Variants in ANAPC2 observed in about 807,000 individuals in gnomAD.
ANAPC2 encodes anaphase-promoting complex subunit 2.
ANAPC2 carries 29 observed loss-of-function variants against 84.3 expected under a neutral mutation model. That is an observed-to-expected ratio of 0.34 (90% CI 0.26 to 0.47). ANAPC2 has a LOEUF of 0.47. ANAPC2 is among the 20% of genes least tolerant of loss of function. The probability of loss-of-function intolerance (pLI) is 1.00; values close to 1 mark genes in which losing one functional copy is unlikely to be tolerated. For synonymous variants in ANAPC2, 571 were observed against 479.4 expected, an observed-to-expected ratio of 1.19 and a Z score of -2.50; for missense variants, 857 against 1,131.7, an observed-to-expected ratio of 0.76 and a Z score of 3.48.
intron 10 of ANAPC2, among the ~76,000 whole-genome samples, chr9:137,179,090 C>G (rs963890971): frequency 1.3e-5 from 2 of 152,228 alleles, no homozygotes; most frequent in Admixed American, 6.5e-5. Flanking sequence ...CGCCGGCCTC[C>G]TGGCGGCTCT....
chr9:137,183,059 G>A (rs917822303), intron 6 of ANAPC2, 66 bp downstream of exon 6: 1 of 1,365,116 alleles, frequency 7.3e-7, no homozygotes, highest in South Asian at 1.2e-5. Context: ...CTGCCCCCCA[G>A]GACCACGAGG....
intron 11 of ANAPC2, 91 bp from the exon 12 acceptor site, chr9:137,175,563 G>T: frequency 6.8e-7 from 1 of 1,479,306 alleles, no homozygotes. Flanking sequence ...GGGGCTCCCG[G>T]GCCACCCTGC....
At chr9:137,187,075 G>C (rs1162332783) in intron 2 of ANAPC2, 1 of 205,250 alleles carries the variant, frequency 4.9e-6, no homozygotes, top group East Asian at 1.1e-4. Flanking sequence ...CCCTCACAGT[G>C]ACCTGATCTT....
In ANAPC2 at chr9:137,183,201, T is replaced by C. The variant is rs1320424255; in HGVS notation, c.1210A>G (p.Ile404Val). Residue 404 changes from isoleucine to valine, a missense_variant, in exon 6 of 13, where the codon ATC (isoleucine) becomes GTC (valine). By Grantham distance (29) the Ile-to-Val change is conservative. This residue lies in a region of ANAPC2 where 425 missense variants were observed against 595.5 expected (regional missense o/e 0.71). Transcript: ENST00000323927. ...GGGTCCAGCACGCGCAGCGCCTTGA[T>C]GGCAGAGATATAGAGGGTGATGATG... Reference protein sequence around the residue: ...CDIITLYISAIKALRVLDPSM... With the variant: ...CDIITLYISAVKALRVLDPSM... 1 of 1,613,224 alleles carries C rather than the reference T, an allele frequency of 6.2e-7. No individual in the cohort carries two copies. The highest frequency in any genetic ancestry group is 1.7e-5 in the Admixed American group (1 of 60,014).
chr9:137,187,393 C>G, intron 2 of ANAPC2, 88 bp downstream of exon 2: 1 of 1,505,136 alleles, frequency 6.6e-7, no homozygotes, highest in Non-Finnish European at 8.9e-7. Context: ...GGACGGCTCA[C>G]CAGCTTTCTG....
At chr9:137,181,579 C>T in intron 7 of ANAPC2, 102 bp downstream of exon 7, 1 of 1,299,204 alleles carries the variant, frequency 7.7e-7, no homozygotes, top group Non-Finnish European at 1.0e-6. Flanking sequence ...ACTAGCGACA[C>T]CTGACACAGC....
chr9:137,177,788 C>T (rs1432044953), intron 10 of ANAPC2, among the ~76,000 whole-genome samples: 2 of 151,122 alleles, frequency 1.3e-5, no homozygotes, highest in Non-Finnish European at 3.0e-5. Flanking sequence ...ATGACGTCAC[C>T]CTGGAATAGA....
rs1307223234 is a variant in ANAPC2, at chr9:137,174,796, T to A, written c.*146A>T. 1 of 1,423,232 alleles carries A rather than the reference T, an allele frequency of 7.0e-7. No individual in the cohort carries two copies. 88.2% of individuals were successfully genotyped at this position (1,423,232 alleles called of 1,614,324 possible). ...CAGGACAGAAAAGGATGATCTGACT[T>A]GCTTTAATCTGCACACTGCGGGGGT... On this transcript the variant is annotated 3_prime_UTR_variant, in exon 13 of 13. Coordinates refer to ENST00000323927, the MANE Select transcript of ANAPC2 (RefSeq NM_013366.4). The surrounding 1 kb of genome is among the most constrained non-coding windows in gnomAD (Gnocchi z 6.1).
At chr9:137,188,325 C>A in intron 1 of ANAPC2, 91 bp downstream of exon 1, 1 of 1,416,316 alleles carries the variant, frequency 7.1e-7, no homozygotes. Context: ...GGATGATGGA[C>A]AGAGCCGTAT....
rs150682951 is a variant in ANAPC2, at chr9:137,187,904, T to C, written c.317A>G (p.Gln106Arg). The C allele has an allele frequency of 5.1e-4, 825 of 1,613,792 alleles. 6 individuals are homozygous for C. In the African/African-American group the frequency reaches 9.2e-3, roughly 18 times the overall value. The change falls in exon 2 of 13, where the codon CAG becomes CGG. Residue 106 changes from glutamine to arginine, a missense_variant. Transcript: ENST00000323927. Reference protein sequence around the residue: ...SQCENSADEPQCLLLLLDAFG... With the variant: ...SQCENSADEPRCLLLLLDAFG... ...AGCGTCAAGGAGTAGCAAAAGGCAC[T>C]GGGGCTCATCCGCAGAGTTCTCGCA...
rs542368778 is a variant in ANAPC2, at chr9:137,179,965, G to A, written c.1890+216C>T. 9.8e-5 allele frequency among the ~76,000 whole-genome samples: 15 copies of A among 152,376 alleles called. No homozygotes were observed. In the East Asian group the frequency reaches 2.7e-3, roughly 27 times the overall value. ...CCACCCAAGCGCCTGTGGGCCGCGC[G>A]GACGCTCGCTCACAGGGGACACGGG... On this transcript the variant is annotated intron_variant, in intron 10 of 12. Coordinates refer to ENST00000323927, the MANE Select transcript of ANAPC2 (RefSeq NM_013366.4).
At chr9:137,175,581 G>A (rs752304436) in intron 11 of ANAPC2, 109 bp from the exon 12 acceptor site, 346 of 1,479,828 alleles carry the variant, frequency 2.3e-4, no homozygotes, top group Non-Finnish European at 3.0e-4. Flanking sequence ...TGCCTTGCCC[G>A]TGGGAAAGGG....
At chr9:137,188,190 CA>C in intron 1 of ANAPC2, 87 bp from the exon 2 acceptor site, 2 of 1,498,758 alleles carry the variant, frequency 1.3e-6, no homozygotes, top group Non-Finnish European at 1.8e-6. Flanking sequence ...GGGGAGGCTG[CA>C]AAAACTCCGC....
chr9:137,175,543 G>A (rs981404146), intron 11 of ANAPC2, 71 bp from the exon 12 acceptor site: 14 of 1,487,726 alleles, frequency 9.4e-6, no homozygotes, highest in Middle Eastern at 1.8e-4. Context: ...CCCGTCAGCC[G>A]AGAGGTCGGG....
chr9:137,179,022 C>G (rs1834281900), intron 10 of ANAPC2, among the ~76,000 whole-genome samples: 1 of 152,228 alleles, frequency 6.6e-6, no homozygotes, highest in Non-Finnish European at 1.5e-5. Flanking sequence ...GGTCCAGCCT[C>G]CTTCACAGCA....
At chr9:137,177,141 C>T (rs1834240098) in intron 10 of ANAPC2, 1 of 152,192 alleles carries the variant, frequency 6.6e-6, no homozygotes, top group Non-Finnish European at 1.5e-5. Context: ...GCTGCATAAG[C>T]CAACAAGGTG....
chr9:137,180,752 C>A (rs774628994), intron 8 of ANAPC2, 36 bp downstream of exon 8: 16 of 1,598,566 alleles, frequency 1.0e-5, no homozygotes, highest in Non-Finnish European at 1.4e-5. Context: ...AAGGCCCCGG[C>A]ACCCCTGGAG....
intron 8 of ANAPC2, 128 bp from the exon 9 acceptor site, chr9:137,180,655 AC>A (rs959944538): frequency 6.4e-7 from 1 of 1,552,884 alleles, no homozygotes; most frequent in Non-Finnish European, 8.8e-7. Context: ...TGGCTAGCAC[AC>A]CCCCAGCCAG....
Position 137,175,248 on chromosome 9 carries a change from C to T in ANAPC2, c.2245G>A (p.Glu749Lys), listed in dbSNP as rs756782133. The T allele has an allele frequency of 6.2e-7, 1 of 1,612,254 alleles. No individual in the cohort carries two copies. The highest frequency in any genetic ancestry group is 8.5e-7 in the Non-Finnish European group (1 of 1,179,722). The change falls in exon 12 of 13, where the codon GAG becomes AAG. Residue 749 changes from glutamate (E) to lysine (K), a missense_variant. Around this residue, in one of 3 missense-constraint regions of ANAPC2, gnomAD observed 425 missense variants for 595.5 expected, o/e 0.71. Transcript: ENST00000323927. ...GCCTGCACGCGCACCAGCAGCTCCTCCTCCTTCTGGTCGGCCTGGGAGGCC... is the reference window on the plus strand; with the variant it reads ...GCCTGCACGCGCACCAGCAGCTCCTTCTCCTTCTGGTCGGCCTGGGAGGCC... ...GMASQADQKE[E>K]ELLLFWTYIQ...
Sources: gnomAD v4.1 joint callset for allele counts (sites outside exome capture counted in the v4.1 genomes callset) on GRCh38, gnomAD v4.1.1 for gene constraint, gnomAD v4.1.1 regional missense constraint, Gnocchi (gnomAD v3.1) non-coding constraint, MANE v1.5 for transcripts, NCBI Gene and HGNC (gene_info 2026-07-23, HGNC 2026-07-21) for gene names.